PTPN1: variants seen among roughly 807,000 people sequenced by gnomAD.
The protein encoded by PTPN1 is protein tyrosine phosphatase non-receptor type 1.
A neutral mutation model predicts 59.9 loss-of-function variants in PTPN1; 12 were observed. That is an observed-to-expected ratio of 0.20 (90% CI 0.13 to 0.32). The LOEUF is 0.32. Ranked by LOEUF, PTPN1 falls within the 10% of genes least tolerant of loss-of-function variation. The probability of loss-of-function intolerance (pLI) is 1.00; values close to 1 mark genes in which losing one functional copy is unlikely to be tolerated. For synonymous variants in PTPN1, 178 were observed against 203.6 expected, an observed-to-expected ratio of 0.87 and a Z score of 1.07; for missense variants, 356 against 549.2, an observed-to-expected ratio of 0.65 and a Z score of 3.52.
intron 2 of PTPN1, among the ~76,000 whole-genome samples, chr20:50,561,906 A>G (rs1407235858): frequency 2.0e-5 from 3 of 151,884 alleles, no homozygotes; most frequent in Non-Finnish European, 2.9e-5. Flanking sequence ...TGGAGTCCCC[A>G]CCGCCTCCAC....
At chr20:50,530,375 T>C (rs1390285612) in intron 1 of PTPN1, among the ~76,000 whole-genome samples, 4 of 152,092 alleles carry the variant, frequency 2.6e-5, no homozygotes, top group African/African-American at 9.7e-5. Flanking sequence ...TTTCTTTTCT[T>C]GAGATGGAGT....
intron 4 of PTPN1, among the ~76,000 whole-genome samples, chr20:50,569,871 C>T (rs1261958583): frequency 6.6e-6 from 1 of 152,246 alleles, no homozygotes; most frequent in Non-Finnish European, 1.5e-5. Context: ...ACAGGCTCCT[C>T]GGCCTCCCTG....
intron 4 of PTPN1, chr20:50,571,743 G>A (rs974149300): frequency 6.6e-6 from 1 of 152,212 alleles, no homozygotes; most frequent in Non-Finnish European, 1.5e-5. Context: ...CACTGGTTCT[G>A]TTTAAGGATT....
chr20:50,564,636 C>T (rs2082770177), intron 2 of PTPN1, among the ~76,000 whole-genome samples: 3 of 152,030 alleles, frequency 2.0e-5, no homozygotes, highest in East Asian at 1.9e-4. Context: ...CCTTTGATGC[C>T]CTCCTCTGCC....
intron 1 of PTPN1, among the ~76,000 whole-genome samples, chr20:50,533,727 C>T (rs191194117): frequency 5.3e-5 from 8 of 151,768 alleles, no homozygotes; most frequent in African/African-American, 7.3e-5. Context: ...GTACCACTTC[C>T]GAAAGGTTCA....
chr20:50,570,540 C>T (rs975061307), intron 4 of PTPN1, among the ~76,000 whole-genome samples: 1 of 152,092 alleles, frequency 6.6e-6, no homozygotes, highest in African/African-American at 2.4e-5. Flanking sequence ...TGAAGCAAAC[C>T]CCCACCCTTC....
intron 1 of PTPN1, among the ~76,000 whole-genome samples, chr20:50,542,679 G>A (rs2082658012): frequency 6.6e-6 from 1 of 152,220 alleles, no homozygotes; most frequent in African/African-American, 2.4e-5. Flanking sequence ...TTCCTATATA[G>A]TTGTAGTTGT....
In PTPN1 at chr20:50,569,027, G is replaced by A. The variant is rs145027672; in HGVS notation, c.354+549G>A. Among the ~76,000 whole-genome samples, 16 of 152,152 alleles carry A rather than the reference G, an allele frequency of 1.1e-4. No homozygotes were observed. The East Asian group carries it at 2.1e-3, about 20-fold the overall frequency. On this transcript the variant is annotated intron_variant, in intron 4 of 9. Coordinates refer to ENST00000371621, the MANE Select transcript of PTPN1 (RefSeq NM_002827.4). ...TCCTGCAACTTTTCAAACACCCCTCGGGCTAGCGTGTGGCTGCACGGTGTC... is the reference window on the plus strand; with the variant it reads ...TCCTGCAACTTTTCAAACACCCCTCAGGCTAGCGTGTGGCTGCACGGTGTC...
rs1220474206 is a variant in PTPN1, at chr20:50,584,623, C to G, written c.*1908C>G. 1 of 98,794 alleles carries G rather than the reference C, an allele frequency of 1.0e-5. No homozygotes were observed. Among genetic ancestry groups the G allele is most frequent in the Non-Finnish European group, 1.9e-5 (1 of 51,798 alleles). The allele number at this position is 98,794 out of a possible 1,614,324, so 6.1% of individuals were successfully genotyped here. A position where few individuals can be genotyped will look rare whatever the true frequency, so the allele number is the denominator to read the frequency against. On this transcript the variant is annotated 3_prime_UTR_variant, in exon 10 of 10. Transcript: ENST00000371621. The stretch of plus-strand genomic sequence containing the variant: ...TGTGTGTGGATACGTGGCTGCATGA[C>G]CGGGTGGGTGGGGGGGAGTGTCTCA...
At chr20:50,525,468 TAGA>T (rs2082570575) in intron 1 of PTPN1, among the ~76,000 whole-genome samples, 2 of 152,258 alleles carry the variant, frequency 1.3e-5, no homozygotes, top group South Asian at 4.1e-4. Context: ...GCTTGCCATA[TAGA>T]AGCAGTCTCT....
At chr20:50,576,702 A>G (rs1051116767) in intron 5 of PTPN1, among the ~76,000 whole-genome samples, 3 of 151,254 alleles carry the variant, frequency 2.0e-5, no homozygotes, top group Non-Finnish European at 4.4e-5. Flanking sequence ...CCCCATCTCT[A>G]CTAAAAATAC....
At chr20:50,522,360 A>G (rs993100939) in intron 1 of PTPN1, among the ~76,000 whole-genome samples, 5 of 152,186 alleles carry the variant, frequency 3.3e-5, no homozygotes, top group Non-Finnish European at 2.9e-5. Context: ...AGGTGACCAA[A>G]TATGCTTGCA....
At chr20:50,554,217 CA>C (rs1007871058) in intron 1 of PTPN1, among the ~76,000 whole-genome samples, 1 of 152,088 alleles carries the variant, frequency 6.6e-6, no homozygotes, top group Non-Finnish European at 1.5e-5. Context: ...CCTGTCTCTA[CA>C]AAAAATAAAA....
At chr20:50,559,727 T>C (rs1275408223) in intron 1 of PTPN1, among the ~76,000 whole-genome samples, 1 of 152,158 alleles carries the variant, frequency 6.6e-6, no homozygotes, top group Non-Finnish European at 1.5e-5. Flanking sequence ...CTATCTTGTT[T>C]TTAAGTTTCG....
intron 1 of PTPN1, among the ~76,000 whole-genome samples, chr20:50,515,380 C>T (rs1225257406): frequency 2.0e-5 from 3 of 152,244 alleles, no homozygotes; most frequent in East Asian, 1.9e-4. Context: ...GTTCCGTCAC[C>T]TGTGTGTTTT....
chr20:50,535,442 T>C (rs1386197176), intron 1 of PTPN1, among the ~76,000 whole-genome samples: 1 of 152,180 alleles, frequency 6.6e-6, no homozygotes, highest in African/African-American at 2.4e-5. Context: ...TGAGCTGTCC[T>C]TTCTATTGAA....
At chr20:50,548,013 G>T (rs958992500) in intron 1 of PTPN1, among the ~76,000 whole-genome samples, 1 of 152,058 alleles carries the variant, frequency 6.6e-6, no homozygotes, top group African/African-American at 2.4e-5. Flanking sequence ...AAACAATATT[G>T]TAATTTACTT....
rs377260299 is a variant in PTPN1 at position 50,510,515 on chromosome 20, G to T, written c.-13G>T. 1.3e-6 allele frequency: 2 copies of T among 1,549,438 alleles called. No individual in the cohort carries two copies. The highest frequency in any genetic ancestry group is 1.4e-5 in the African/African-American group (1 of 72,888). On this transcript the variant is annotated 5_prime_UTR_variant, in exon 1 of 10. Transcript: ENST00000371621. ...GGGCCGAGAAGGAGGCGCAGCAGCC[G>T]CCCTGGCCCGTCATGGAGATGGAAA...
intron 2 of PTPN1, 144 bp from the exon 3 acceptor site, chr20:50,564,825 C>A: frequency 1.6e-6 from 2 of 1,286,958 alleles, no homozygotes; most frequent in Non-Finnish European, 2.1e-6. Flanking sequence ...ATACTGATGA[C>A]TAATCTCAAC....
Sources: allele counts gnomAD v4.1 joint callset (sites outside exome capture counted in the v4.1 genomes callset), GRCh38; gene constraint gnomAD v4.1.1; transcripts MANE v1.5; gene names NCBI Gene and HGNC (gene_info 2026-07-23, HGNC 2026-07-21).